The following B3GLCT variants were observed in gnomAD, a reference collection of about 807,000 sequenced individuals.
The protein encoded by B3GLCT is beta-1,3-glucosyltransferase.
Under a neutral mutation model 63.4 loss-of-function variants are expected in B3GLCT, and 65 were observed. That is an observed-to-expected ratio of 1.03 (90% CI 0.84 to 1.26). The LOEUF (loss-of-function observed/expected upper bound fraction) is 1.26. Ranked by LOEUF, B3GLCT falls within the 50% of genes most tolerant of loss-of-function variation. The pLI is 0.00. For synonymous variants in B3GLCT, 233 were observed against 219.2 expected (o/e 1.06, Z -0.55); for missense variants, 577 against 604.8 (o/e 0.95, Z 0.48).
intron 12 of B3GLCT, among the ~76,000 whole-genome samples, chr13:31,309,736 T>C (rs1031386495): frequency 7.9e-5 from 12 of 152,210 alleles, no homozygotes; most frequent in African/African-American, 2.9e-4. Flanking sequence ...ATCCAGGAAC[T>C]GTTCAAACCC....
intron 12 of B3GLCT, among the ~76,000 whole-genome samples, chr13:31,289,961 C>A (rs1371741997): frequency 3.3e-5 from 5 of 151,870 alleles, no homozygotes; most frequent in Non-Finnish European, 7.4e-5. Context: ...TGGTTTGCTG[C>A]ACTCATCAAC....
Position 31,269,275 on chromosome 13 carries a change from G to T in B3GLCT, c.658G>T (p.Glu220Ter). The T allele has an allele frequency of 1.3e-6, 2 of 1,595,708 alleles. No individual in the cohort carries two copies. The highest frequency in any genetic ancestry group is 2.2e-5 in the South Asian group (2 of 90,582). The change falls in exon 8 of 15, where the codon GAG (glutamate) becomes TAG (stop). Residue 220 changes from glutamate to a stop codon, truncating the protein, a stop_gained and splice_region_variant. Coordinates refer to ENST00000343307, the MANE Select transcript of B3GLCT (RefSeq NM_194318.4). LOFTEE classifies it high-confidence loss of function. ...CGACTTTACAATAGATTTAAAACAT[G>T]AGGTATGTCATGTTTTGTTTGATTA... ...KSDFTIDLKH[E>*]IALYIWDKGG... is the part of the protein sequence containing the mutation.
chr13:31,242,502 T>C (rs1414505318), intron 4 of B3GLCT, among the ~76,000 whole-genome samples: 1 of 152,218 alleles, frequency 6.6e-6, no homozygotes, highest in Admixed American at 6.5e-5. Context: ...GCCAAGTGCC[T>C]GGCATGTATT....
intron 12 of B3GLCT, among the ~76,000 whole-genome samples, chr13:31,315,538 A>G (rs1042837379): frequency 6.6e-6 from 1 of 152,238 alleles, no homozygotes; most frequent in African/African-American, 2.4e-5. Flanking sequence ...GAAAGCATTC[A>G]GTCATATTCA....
chr13:31,319,642 T>C (rs1394423059), intron 13 of B3GLCT, among the ~76,000 whole-genome samples: 2 of 152,146 alleles, frequency 1.3e-5, no homozygotes, highest in Non-Finnish European at 2.9e-5. Context: ...AGGCATCTTT[T>C]CTAGTCCTCC....
In B3GLCT at chr13:31,243,848, GATAA is replaced by G. The variant is rs573996173; in HGVS notation, c.271-3171_271-3168del. ...ATAAAGGCAGACTTTAATTCAAAGA[GATAA>G]ATAGAGTTGACATGAAAGTTTAAAT... On this transcript the variant is annotated intron_variant, in intron 4 of 14. Coordinates refer to ENST00000343307, the MANE Select transcript of B3GLCT (RefSeq NM_194318.4). Among the ~76,000 whole-genome samples, 14 of 152,332 alleles carry G rather than the reference GATAA, an allele frequency of 9.2e-5. No homozygotes were observed. The South Asian group carries it at 2.7e-3, about 29-fold the overall frequency.
At chr13:31,302,321 G>A (rs542689074) in intron 12 of B3GLCT, among the ~76,000 whole-genome samples, 6 of 152,264 alleles carry the variant, frequency 3.9e-5, no homozygotes, top group African/African-American at 1.4e-4. Context: ...TCCCGGGGAG[G>A]AGCCAAGATG....
intron 12 of B3GLCT, among the ~76,000 whole-genome samples, chr13:31,300,760 A>T (rs925010651): frequency 6.6e-6 from 1 of 152,212 alleles, no homozygotes. Context: ...AACGTTATCT[A>T]TAGGAGCAAT....
intron 12 of B3GLCT, among the ~76,000 whole-genome samples, chr13:31,316,434 T>TATATATATATATATATATATATATAA (rs1566096071): frequency 9.0e-6 from 1 of 110,844 alleles, no homozygotes; most frequent in Non-Finnish European, 1.8e-5. Flanking sequence ...TATATATAAA[T>TATATATATATATATATATATATATAA]TTTTTTTTTT....
At chr13:31,241,277 G>A (rs1223312777) in intron 4 of B3GLCT, among the ~76,000 whole-genome samples, 2 of 152,226 alleles carry the variant, frequency 1.3e-5, no homozygotes, top group Non-Finnish European at 2.9e-5. Context: ...AGGGGAGGGT[G>A]GGCCTCCCTT....
chr13:31,239,508 T>C (rs1870824907), intron 4 of B3GLCT, among the ~76,000 whole-genome samples: 1 of 152,218 alleles, frequency 6.6e-6, no homozygotes, highest in South Asian at 2.1e-4. Context: ...TCAATTATGA[T>C]TTGACATCTG....
chr13:31,326,528 G>C (rs1357401653), intron 14 of B3GLCT, among the ~76,000 whole-genome samples: 1 of 151,878 alleles, frequency 6.6e-6, no homozygotes, highest in Non-Finnish European at 1.5e-5. Context: ...TGATCCACCT[G>C]CCTCGGCCTC....
intron 4 of B3GLCT, among the ~76,000 whole-genome samples, chr13:31,239,541 C>T (rs926573494): frequency 6.6e-6 from 1 of 152,088 alleles, no homozygotes; most frequent in African/African-American, 2.4e-5. Flanking sequence ...AAAATTCCTT[C>T]TGGAGTGGAT....
intron 1 of B3GLCT, among the ~76,000 whole-genome samples, chr13:31,211,361 A>G (rs1216355458): frequency 1.3e-5 from 2 of 152,142 alleles, no homozygotes; most frequent in Non-Finnish European, 2.9e-5. Context: ...GTGCCACTGC[A>G]CTCCACTCTG....
chr13:31,276,846 T>C, intron 10 of B3GLCT, 75 bp downstream of exon 10: 1 of 1,136,536 alleles, frequency 8.8e-7, no homozygotes, highest in Non-Finnish European at 1.3e-6. Context: ...CAATGAATTC[T>C]TGAGTGTAAA....
chr13:31,255,579 G>A (rs541645338), intron 6 of B3GLCT, among the ~76,000 whole-genome samples: 2 of 152,330 alleles, frequency 1.3e-5, no homozygotes, highest in South Asian at 2.1e-4. Context: ...AACAAAAACA[G>A]CATGGTACTG....
chr13:31,228,601 C>A (rs982592728), intron 3 of B3GLCT, among the ~76,000 whole-genome samples: 10 of 152,186 alleles, frequency 6.6e-5, no homozygotes, highest in African/African-American at 2.4e-4. Flanking sequence ...CATCTTCCTT[C>A]TCTGTGTGTC....
rs375043646 is a variant in B3GLCT at position 31,267,064 on chromosome 13, A to C, written c.597-2150A>C. Among the ~76,000 whole-genome samples, 51 of 152,320 alleles carry C rather than the reference A, an allele frequency of 3.3e-4. 1 individual carries two copies. The highest frequency in any genetic ancestry group is 1.1e-3 in the African/African-American group (45 of 41,588). ...GGGATTACAGGCATGAGCCACTCTC[A>C]GAAATTCTATCAGTGGTTTTCACTT... On this transcript the variant is annotated intron_variant, in intron 7 of 14. Transcript: ENST00000343307.
intron 1 of B3GLCT, among the ~76,000 whole-genome samples, chr13:31,212,621 G>T (rs545976683): frequency 6.6e-6 from 1 of 152,034 alleles, no homozygotes; most frequent in African/African-American, 2.4e-5. Context: ...TACTGCCCAG[G>T]CTGGTTTCAA....
Sources: allele counts gnomAD v4.1 joint callset (sites outside exome capture counted in the v4.1 genomes callset), GRCh38; gene constraint gnomAD v4.1.1; transcripts MANE v1.5; gene names NCBI Gene and HGNC (gene_info 2026-07-23, HGNC 2026-07-21).